Variants in ARID1B observed in about 807,000 individuals in gnomAD.
ARID1B encodes AT-rich interaction domain 1B.
Under a neutral mutation model 212.3 loss-of-function variants are expected in ARID1B, and 30 were observed. The ratio of observed to expected loss-of-function variants is 0.14; its 90% CI spans 0.11 to 0.19. The LOEUF is 0.19. Ranked by LOEUF, ARID1B falls within the 10% of genes least tolerant of loss-of-function variation. The pLI, the probability that ARID1B is intolerant of heterozygous loss-of-function variation, is 1.00. For synonymous variants in ARID1B, 1,402 were observed against 1,301.7 expected, an observed-to-expected ratio of 1.08 and a Z score of -1.66; for missense variants, 2,891 against 3,204.0, an observed-to-expected ratio of 0.90 and a Z score of 2.36.
At chr6:157,005,823 T>C (rs1489579316) in intron 4 of ARID1B, among the ~76,000 whole-genome samples, 1 of 152,226 alleles carries the variant, frequency 6.6e-6, no homozygotes, top group Non-Finnish European at 1.5e-5. Context: ...TTTTTCACCA[T>C]ATTCTGTCTC....
chr6:156,829,708 A>G (rs1583119140), intron 2 of ARID1B: 1 of 270,852 alleles, frequency 3.7e-6, no homozygotes, highest in East Asian at 6.4e-5. Flanking sequence ...TAACAGATGT[A>G]AGCTCTGAAG....
chr6:157,027,312 C>T (rs1331011502), intron 4 of ARID1B, among the ~76,000 whole-genome samples: 1 of 152,154 alleles, frequency 6.6e-6, no homozygotes, highest in Non-Finnish European at 1.5e-5. Context: ...ATTGAATTGT[C>T]TTTCCATTCC....
chr6:157,113,537 A>C (rs940355098), intron 6 of ARID1B, among the ~76,000 whole-genome samples: 1 of 152,206 alleles, frequency 6.6e-6, no homozygotes, highest in African/African-American at 2.4e-5. Context: ...GAAGAGAGCG[A>C]AAGGGGAGGT....
intron 4 of ARID1B, among the ~76,000 whole-genome samples, chr6:156,963,380 G>T (rs938124428): frequency 2.0e-5 from 3 of 152,074 alleles, no homozygotes; most frequent in African/African-American, 7.2e-5. Flanking sequence ...TGTATTCGTG[G>T]ATAATTTCTT....
intron 1 of ARID1B, among the ~76,000 whole-genome samples, chr6:156,805,222 T>A (rs2127958451): frequency 6.6e-6 from 1 of 152,302 alleles, no homozygotes; most frequent in East Asian, 1.9e-4. Context: ...TCATTGGATT[T>A]AAATCTTAGG....
intron 1 of ARID1B, among the ~76,000 whole-genome samples, chr6:156,823,509 G>C (rs287878): frequency 6.6e-6 from 1 of 152,054 alleles, no homozygotes; most frequent in Admixed American, 6.5e-5. Context: ...CCCTGTTTGA[G>C]CGAGAGAAAT....
At chr6:156,798,072 G>C (rs1003491837) in intron 1 of ARID1B, among the ~76,000 whole-genome samples, 11 of 152,260 alleles carry the variant, frequency 7.2e-5, no homozygotes, top group Non-Finnish European at 1.3e-4. Flanking sequence ...GCAGTAGGTG[G>C]AGCGAGAGAT....
chr6:156,877,004 C>T (rs1266274922), intron 2 of ARID1B, among the ~76,000 whole-genome samples: 1 of 152,136 alleles, frequency 6.6e-6, no homozygotes, highest in African/African-American at 2.4e-5. Flanking sequence ...AAGCGATTCT[C>T]CTGCCTCAGC....
intron 4 of ARID1B, among the ~76,000 whole-genome samples, chr6:157,019,812 C>A (rs1297048820): frequency 6.6e-6 from 1 of 152,190 alleles, no homozygotes; most frequent in Non-Finnish European, 1.5e-5. Flanking sequence ...CAGCGGGTCA[C>A]CTCCGCGGAT....
At chr6:156,864,710 G>C (rs1029978222) in intron 2 of ARID1B, among the ~76,000 whole-genome samples, 1 of 152,150 alleles carries the variant, frequency 6.6e-6, no homozygotes, top group Non-Finnish European at 1.5e-5. Flanking sequence ...GTCTGTTGCT[G>C]TCCCCGCTGG....
chr6:156,804,867 CAAAAAA>C lies in ARID1B; in HGVS notation c.1792-24343_1792-24338del, dbSNP rs61315445. 2.4e-3 allele frequency among the ~76,000 whole-genome samples: 204 copies of C among 85,122 alleles called. 2 individuals carry two copies. The highest frequency in any genetic ancestry group is 8.0e-3 in the African/African-American group (184 of 23,044). 55.8% of individuals were successfully genotyped at this position (85,122 alleles called of 152,430 possible). ...ACTAAGAGAGATGTGATCTGATTGGCAAAAAAAAAAAAAAAAAAAAAAGAAATTGGC... is the reference window on the plus strand; with the variant it reads ...ACTAAGAGAGATGTGATCTGATTGGCAAAAAAAAAAAAAAAAGAAATTGGC... On this transcript the variant is annotated intron_variant, in intron 1 of 19. Coordinates refer to ENST00000636930, the MANE Select transcript of ARID1B (RefSeq NM_001374828.1).
chr6:156,827,491 G>A lies in ARID1B; in HGVS notation c.1792-1736G>A, dbSNP rs565978005. 3.3e-5 allele frequency among the ~76,000 whole-genome samples: 5 copies of A among 152,340 alleles called. No homozygotes were observed. In the East Asian group the frequency reaches 9.7e-4, roughly 29 times the overall value. On this transcript the variant is annotated intron_variant, in intron 1 of 19. Transcript: ENST00000636930. ...TTCCAGCTGGGTCAGGTGCCCAAGG[G>A]AGCAGTCCTGTGTTCATCTGTCAGA...
intron 4 of ARID1B, among the ~76,000 whole-genome samples, chr6:156,964,667 CT>C (rs941820933): frequency 8.5e-5 from 13 of 152,138 alleles, no homozygotes; most frequent in African/African-American, 3.1e-4. Context: ...TTAAAACCAT[CT>C]TTTTTTGACA....
intron 6 of ARID1B, among the ~76,000 whole-genome samples, chr6:157,117,487 C>G (rs1464793247): frequency 6.6e-6 from 1 of 152,194 alleles, no homozygotes; most frequent in Non-Finnish European, 1.5e-5. Context: ...GCACATCTTT[C>G]TCTTACCTTT....
rs115797068 is a variant in ARID1B at position 156,873,189 on chromosome 6, T to C, written c.1987-28187T>C. ...CAGAAGGCTCTTAGAGAATACGGGT[T>C]GAAGAAAAGGGGAATGGGCACAAAT... On this transcript the variant is annotated intron_variant, in intron 2 of 19. Coordinates refer to ENST00000636930, the MANE Select transcript of ARID1B (RefSeq NM_001374828.1). Among the ~76,000 whole-genome samples, 971 of 152,314 alleles carry C rather than the reference T, an allele frequency of 6.4e-3. 12 individuals carry two copies. The highest frequency in any genetic ancestry group is 0.022 in the African/African-American group (935 of 41,564).
intron 4 of ARID1B, chr6:157,024,350 C>T (rs558246180): frequency 7.2e-5 from 11 of 152,310 alleles, no homozygotes; most frequent in African/African-American, 2.2e-4. Context: ...TTTCAGAAAC[C>T]TCATTTTTGT....
chr6:156,878,590 C>G (rs1013651133), intron 2 of ARID1B, among the ~76,000 whole-genome samples: 4 of 152,180 alleles, frequency 2.6e-5, no homozygotes, highest in African/African-American at 9.7e-5. Flanking sequence ...TTGGCTGGGT[C>G]AATAATCTAG....
At chr6:156,849,511 AT>A (rs1048116708) in intron 2 of ARID1B, among the ~76,000 whole-genome samples, 5 of 152,232 alleles carry the variant, frequency 3.3e-5, no homozygotes, top group Admixed American at 2.0e-4. Context: ...CAGAATGTTA[AT>A]TAATTCATAG....
chr6:157,048,101 C>T lies in ARID1B; in HGVS notation c.2248-36561C>T, dbSNP rs188732833. Reference sequence around the variant, plus strand: ...AGATGGTGAAAGCCCTCCTCCTTCCCTCCTCCTGCCTTAAATTTGGCTTCT... The same window carrying T: ...AGATGGTGAAAGCCCTCCTCCTTCCTTCCTCCTGCCTTAAATTTGGCTTCT... On this transcript the variant is annotated intron_variant, in intron 4 of 19. Coordinates refer to ENST00000636930, the MANE Select transcript of ARID1B (RefSeq NM_001374828.1). Among the ~76,000 whole-genome samples the T allele has an allele frequency of 2.5e-3, 378 of 152,306 alleles. 1 individual carries two copies. The highest frequency in any genetic ancestry group is 4.3e-3 in the Non-Finnish European group (293 of 68,028).
Sources: gnomAD v4.1 joint callset for allele counts (sites outside exome capture counted in the v4.1 genomes callset) on GRCh38, gnomAD v4.1.1 for gene constraint, MANE v1.5 for transcripts, NCBI Gene and HGNC (gene_info 2026-07-23, HGNC 2026-07-21) for gene names.